Variants in TJP1 observed in about 807,000 individuals in gnomAD.
TJP1 encodes tight junction protein 1.
TJP1 carries 43 observed loss-of-function variants against 194.2 expected under a neutral mutation model. The observed-to-expected ratio is 0.22, with a 90% CI of 0.17 to 0.29. TJP1 has a LOEUF of 0.29. Ranked by LOEUF, TJP1 falls within the 10% of genes least tolerant of loss-of-function variation. The pLI, the probability that TJP1 is intolerant of heterozygous loss-of-function variation, is 1.00. For synonymous variants in TJP1, 801 were observed against 779.0 expected (o/e 1.03, Z -0.47); for missense variants, 1,971 against 2,185.7 (o/e 0.90, Z 1.96).
rs1033188431 is a variant in TJP1, at chr15:29,749,617, T to C, written c.1011-6836A>G. Among the ~76,000 whole-genome samples the C allele has an allele frequency of 1.2e-4, 18 of 152,184 alleles. No individual in the cohort carries two copies. The East Asian group carries it at 2.7e-3, about 23-fold the overall frequency. ...CCAGAGACTCTCTCAAACGGTTCTGTTGTGTGAAGTCTCCCATGAGATACC... is the reference window on the plus strand; with the variant it reads ...CCAGAGACTCTCTCAAACGGTTCTGCTGTGTGAAGTCTCCCATGAGATACC... On this transcript the variant is annotated intron_variant, in intron 8 of 27. Coordinates refer to ENST00000614355, the MANE Select transcript of TJP1 (RefSeq NM_001330239.4).
intron 2 of TJP1, among the ~76,000 whole-genome samples, chr15:29,795,798 A>G (rs1357143789): frequency 6.6e-6 from 1 of 152,152 alleles, no homozygotes; most frequent in Admixed American, 6.5e-5. Flanking sequence ...TCTGGAATGG[A>G]TAACATGTAA....
upstream of TJP1, among the ~76,000 whole-genome samples, chr15:29,826,074 TTTATA>T (rs947729119): frequency 6.6e-6 from 1 of 151,900 alleles, no homozygotes; most frequent in Non-Finnish European, 1.5e-5. Context: ...AATGGCAAAT[TTTATA>T]TTATGTACAT....
chr15:29,741,576 AG>A, intron 9 of TJP1, 140 bp from the exon 10 acceptor site: 1 of 599,694 alleles, frequency 1.7e-6, no homozygotes, highest in Non-Finnish European at 2.9e-6. Flanking sequence ...TACATTTTAT[AG>A]TAATAAATTC....
intron 25 of TJP1, among the ~76,000 whole-genome samples, chr15:29,706,342 T>C (rs2041898408): frequency 6.6e-6 from 1 of 152,200 alleles, no homozygotes. Flanking sequence ...CATTAATGAA[T>C]TGCAACCTGA....
At chr15:29,876,790 G>T (rs2052717339) in intron 2 of TJP1, among the ~76,000 whole-genome samples, 2 of 152,180 alleles carry the variant, frequency 1.3e-5, no homozygotes, top group Admixed American at 1.3e-4. Flanking sequence ...TTCCTCTGCA[G>T]AATCCGGGTG....
At chr15:29,791,219 A>G (rs6495919) in intron 2 of TJP1, among the ~76,000 whole-genome samples, 142,938 of 151,588 alleles carry the variant, frequency 0.94, 67,601 homozygotes, top group East Asian at 1. Flanking sequence ...TAGAGACGGG[A>G]TTTCTCCATT....
chr15:29,770,920 C>G (rs376653550), intron 4 of TJP1, among the ~76,000 whole-genome samples: 26 of 152,076 alleles, frequency 1.7e-4, no homozygotes, highest in African/African-American at 5.8e-4. Context: ...CCTAAATGTA[C>G]AGTGTTTACA....
chr15:29,814,669 A>G (rs1008032558), intron 1 of TJP1, among the ~76,000 whole-genome samples: 7 of 152,182 alleles, frequency 4.6e-5, no homozygotes, highest in African/African-American at 1.7e-4. Context: ...AGTCAAAAAA[A>G]ATTAATTAAA....
intron 2 of TJP1, among the ~76,000 whole-genome samples, chr15:29,914,643 G>A (rs1019560682): frequency 1.3e-5 from 2 of 152,126 alleles, no homozygotes; most frequent in African/African-American, 4.8e-5. Context: ...ACATATGGCT[G>A]TCACCATATG....
rs75761247 is a variant in TJP1 at position 29,783,286 on chromosome 15, C to G, written c.85-9929G>C. Among the ~76,000 whole-genome samples the G allele has an allele frequency of 2.6e-5, 4 of 151,824 alleles. No homozygotes were observed. In the South Asian group the frequency reaches 8.3e-4, roughly 32 times the overall value. On this transcript the variant is annotated intron_variant, in intron 2 of 27. Coordinates refer to ENST00000614355, the MANE Select transcript of TJP1 (RefSeq NM_001330239.4). ...CAAAACTCCATCTCAAAGAAACAAA[C>G]AAAAACACAAAGATATCATCTCACA...
chr15:29,747,308 T>C (rs1236340143), intron 8 of TJP1, among the ~76,000 whole-genome samples: 1 of 152,056 alleles, frequency 6.6e-6, no homozygotes, highest in African/African-American at 2.4e-5. Flanking sequence ...ATAAATACAA[T>C]AAATTGTAAA....
intron 1 of TJP1, among the ~76,000 whole-genome samples, chr15:29,803,415 T>C (rs569667470): frequency 1.3e-5 from 2 of 152,268 alleles, no homozygotes; most frequent in African/African-American, 2.4e-5. Flanking sequence ...TTAGATAATT[T>C]TGCCCAACTA....
At chr15:29,711,832 C>T (rs979525668) in intron 23 of TJP1, among the ~76,000 whole-genome samples, 12 of 152,154 alleles carry the variant, frequency 7.9e-5, no homozygotes, top group Non-Finnish European at 1.2e-4. Flanking sequence ...TCAAATTATG[C>T]GGTTATAGCC....
intron 1 of TJP1, among the ~76,000 whole-genome samples, chr15:29,957,868 G>A (rs544638452): frequency 6.8e-4 from 103 of 152,244 alleles, no homozygotes; most frequent in Non-Finnish European, 1.2e-3. Context: ...TCCATCAACA[G>A]TATATGAGAA....
At chr15:29,940,220 G>C (rs2055021845) in intron 2 of TJP1, among the ~76,000 whole-genome samples, 1 of 152,154 alleles carries the variant, frequency 6.6e-6, no homozygotes, top group South Asian at 2.1e-4. Context: ...GGAAAGAAAA[G>C]AGTAAATCAT....
intron 4 of TJP1, among the ~76,000 whole-genome samples, chr15:29,768,970 A>G (rs2046488181): frequency 6.6e-6 from 1 of 152,244 alleles, no homozygotes; most frequent in Admixed American, 6.5e-5. Flanking sequence ...TTTTGGAAGC[A>G]TGACACCAAG....
At chr15:29,737,226 A>G (rs750929878) in intron 11 of TJP1, 38 bp downstream of exon 11, 2 of 1,604,298 alleles carry the variant, frequency 1.2e-6, no homozygotes, top group African/African-American at 2.7e-5. Flanking sequence ...GGTGATCCAA[A>G]TACTTTTTAA....
At chr15:29,760,155 T>C (rs1456412852) in intron 8 of TJP1, 1 of 696,076 alleles carries the variant, frequency 1.4e-6, no homozygotes, top group East Asian at 2.7e-5. Flanking sequence ...GTGATCTTCA[T>C]GTGGACTGCA....
chr15:29,821,798 C>G (rs1359357744), intron 1 of TJP1, among the ~76,000 whole-genome samples: 1 of 147,778 alleles, frequency 6.8e-6, no homozygotes, highest in South Asian at 2.1e-4. Context: ...CCGGCCGCCC[C>G]CAGTGCGGCC....
Sources: allele counts gnomAD v4.1 joint callset (sites outside exome capture counted in the v4.1 genomes callset), GRCh38; gene constraint gnomAD v4.1.1; transcripts MANE v1.5; gene names NCBI Gene and HGNC (gene_info 2026-07-23, HGNC 2026-07-21).